The following MTUS2 variants were observed in gnomAD, a reference collection of about 807,000 sequenced individuals.
MTUS2 encodes the protein microtubule associated scaffold protein 2, also known as microtubule-associated tumor suppressor candidate 2.
In MTUS2, 40 loss-of-function variants were observed where a neutral mutation model predicts 114.1. That is an observed-to-expected ratio of 0.35 (90% CI 0.27 to 0.46). The LOEUF (loss-of-function observed/expected upper bound fraction) is 0.46. Among genes scored for constraint, MTUS2 ranks in the 20% least tolerant of loss-of-function variants. MTUS2 has a pLI of 1.00. For missense variants in MTUS2, 1,679 were observed against 1,705.4 expected, an observed-to-expected ratio of 0.98 and a Z score of 0.27; for synonymous variants, 688 against 672.0, an observed-to-expected ratio of 1.02 and a Z score of -0.37.
chr13:29,503,374 G>A lies in MTUS2; in HGVS notation c.*168G>A, dbSNP rs1883040971. On this transcript the variant is annotated 3_prime_UTR_variant, in exon 16 of 16. Transcript: ENST00000612955. ...CCCCGTGTAAGACTGCCCTGGTGTC[G>A]GCACTTAGGAATGTGTAAATGGTAA... is the stretch of plus-strand genomic sequence containing the variant. 4.4e-6 allele frequency: 3 copies of A among 685,550 alleles called. No individual in the cohort carries two copies. The highest frequency in any genetic ancestry group is 1.9e-5 in the South Asian group (1 of 53,462). 42.5% of individuals were successfully genotyped at this position (685,550 alleles called of 1,614,324 possible). A position where few individuals can be genotyped will look rare whatever the true frequency, so the allele number is the denominator to read the frequency against.
At chr13:29,039,219 G>A (rs1297495979) in intron 4 of MTUS2, among the ~76,000 whole-genome samples, 2 of 152,136 alleles carry the variant, frequency 1.3e-5, no homozygotes, top group African/African-American at 2.4e-5. Context: ...ACCCTGGCCC[G>A]GGGCTAGCCC....
chr13:29,056,449 G>T (rs545083682), intron 4 of MTUS2, among the ~76,000 whole-genome samples: 1 of 152,060 alleles, frequency 6.6e-6, no homozygotes, highest in South Asian at 2.1e-4. Flanking sequence ...TTAGAATTTG[G>T]CTATGAATGC....
intron 2 of MTUS2, among the ~76,000 whole-genome samples, chr13:29,010,998 A>T (rs994949054): frequency 2.6e-5 from 4 of 152,118 alleles, no homozygotes; most frequent in African/African-American, 9.7e-5. Context: ...CGTTAGCATC[A>T]TTGCTCCCCT....
At chr13:29,491,343 G>T (rs1340256883) in intron 11 of MTUS2, among the ~76,000 whole-genome samples, 2 of 150,690 alleles carry the variant, frequency 1.3e-5, no homozygotes, top group African/African-American at 4.9e-5. Context: ...GTGTGTGGGT[G>T]TGTTATGCGT....
chr13:28,822,378 G>A (rs1172328097), intron 1 of MTUS2, among the ~76,000 whole-genome samples: 1 of 152,180 alleles, frequency 6.6e-6, no homozygotes, highest in Non-Finnish European at 1.5e-5. Flanking sequence ...TCCGGCATAC[G>A]CACTTTTATA....
chr13:29,089,078 C>T (rs1372547786), intron 4 of MTUS2, among the ~76,000 whole-genome samples: 1 of 152,158 alleles, frequency 6.6e-6, no homozygotes, highest in Non-Finnish European at 1.5e-5. Context: ...TATGTTTTTG[C>T]AATAGCAGGT....
At chr13:29,002,508 A>G (rs901332986) in intron 2 of MTUS2, among the ~76,000 whole-genome samples, 4 of 152,378 alleles carry the variant, frequency 2.6e-5, no homozygotes, top group African/African-American at 7.2e-5. Context: ...GAAAAGTTCT[A>G]TTCTGAAGCA....
intron 4 of MTUS2, among the ~76,000 whole-genome samples, chr13:29,046,174 G>A (rs922734263): frequency 7.9e-5 from 12 of 150,988 alleles, no homozygotes; most frequent in East Asian, 1.9e-4. Context: ...AGTGCAGTGC[G>A]TGATGTCAGC....
intron 9 of MTUS2, among the ~76,000 whole-genome samples, chr13:29,451,712 G>A (rs1257825115): frequency 2.6e-5 from 4 of 151,870 alleles, no homozygotes; most frequent in Admixed American, 1.3e-4. Flanking sequence ...AGCCTCCCAA[G>A]TAGCTGGGAT....
At chr13:29,089,424 A>G (rs184510794) in intron 4 of MTUS2, among the ~76,000 whole-genome samples, 6 of 152,266 alleles carry the variant, frequency 3.9e-5, no homozygotes, top group East Asian at 3.9e-4. Context: ...TCTGATGACT[A>G]TGTGCTTTGA....
At chr13:29,488,163 A>C (rs1446185483) in intron 11 of MTUS2, 158 bp downstream of exon 11, 1 of 622,102 alleles carries the variant, frequency 1.6e-6, no homozygotes, top group East Asian at 2.8e-5. Context: ...AAAAGAAGAG[A>C]TAGGAATTAA....
intron 8 of MTUS2, among the ~76,000 whole-genome samples, chr13:29,375,593 AT>A (rs1436155344): frequency 2.6e-4 from 1 of 3,800 alleles, no homozygotes; most frequent in African/African-American, 6.1e-4. Context: ...ATATACGTAT[AT>A]ATATATATAT....
At chr13:28,958,675 A>G (rs1883183276) in intron 2 of MTUS2, among the ~76,000 whole-genome samples, 1 of 152,214 alleles carries the variant, frequency 6.6e-6, no homozygotes. Flanking sequence ...CAATTACAGG[A>G]ACTTCCAAAA....
At chr13:29,486,151 T>C (rs774926914) in intron 10 of MTUS2, among the ~76,000 whole-genome samples, 2 of 152,310 alleles carry the variant, frequency 1.3e-5, no homozygotes, top group Non-Finnish European at 2.9e-5. Flanking sequence ...GGTTCATAGC[T>C]CTGAGCTTCA....
intron 5 of MTUS2, among the ~76,000 whole-genome samples, chr13:29,134,483 A>G (rs1220136977): frequency 2.0e-5 from 3 of 152,176 alleles, no homozygotes; most frequent in Non-Finnish European, 2.9e-5. Context: ...TCCAACTATT[A>G]CTATAGAATG....
At chr13:29,392,225 C>T (rs1873558387) in intron 8 of MTUS2, among the ~76,000 whole-genome samples, 1 of 152,004 alleles carries the variant, frequency 6.6e-6, no homozygotes, top group Non-Finnish European at 1.5e-5. Context: ...ACTCCCCATT[C>T]CCCTCTTCCC....
At chr13:28,906,491 T>A (rs1182252579) in intron 2 of MTUS2, among the ~76,000 whole-genome samples, 1 of 151,546 alleles carries the variant, frequency 6.6e-6, no homozygotes, top group Non-Finnish European at 1.5e-5. Context: ...CATCTTTATT[T>A]CTGCCTTCAT....
chr13:29,235,379 G>A (rs571876169), intron 5 of MTUS2, among the ~76,000 whole-genome samples: 66 of 152,196 alleles, frequency 4.3e-4, no homozygotes, highest in Non-Finnish European at 6.9e-4. Context: ...AGGCATGAGC[G>A]ACCGCACCCG....
chr13:28,846,040 T>C (rs961339112), intron 2 of MTUS2, among the ~76,000 whole-genome samples: 1 of 106,544 alleles, frequency 9.4e-6, no homozygotes, highest in Non-Finnish European at 1.9e-5. Flanking sequence ...TATGCAGTCT[T>C]TTTCTTAAAA....
Sources: allele counts gnomAD v4.1 joint callset (sites outside exome capture counted in the v4.1 genomes callset), GRCh38; gene constraint gnomAD v4.1.1; transcripts MANE v1.5; gene names NCBI Gene and HGNC (gene_info 2026-07-23, HGNC 2026-07-21).